MAPK8IP3: variants seen among roughly 807,000 people sequenced by gnomAD.
MAPK8IP3 encodes C-Jun-amino-terminal kinase-interacting protein 3.
A neutral mutation model predicts 157.8 loss-of-function variants in MAPK8IP3; 49 were observed. That is an observed-to-expected ratio of 0.31 (90% CI 0.25 to 0.39). The LOEUF is 0.39. Among genes scored for constraint, MAPK8IP3 ranks in the 10% least tolerant of loss-of-function variants. MAPK8IP3 has a pLI of 1.00. For synonymous variants in MAPK8IP3, 897 were observed against 777.7 expected, an observed-to-expected ratio of 1.15 and a Z score of -2.55; for missense variants, 1,478 against 1,889.4, an observed-to-expected ratio of 0.78 and a Z score of 4.04.
In MAPK8IP3 at chr16:1,769,702, C is replaced by G. The variant is rs1171607700; in HGVS notation, c.*878C>G. The stretch of plus-strand genomic sequence containing the variant: ...GCCCCTGGCCTCTCCGGGATCAGTC[C>G]TAGGACACAGGCTCAGCCTCAGGTT... On this transcript the variant is annotated 3_prime_UTR_variant, in exon 32 of 32. Transcript: ENST00000610761. 6.6e-6 allele frequency: 1 copy of G among 152,660 alleles called. No homozygotes were observed. The highest frequency in any genetic ancestry group is 1.5e-5 in the Non-Finnish European group (1 of 68,274). 9.5% of individuals were successfully genotyped at this position (152,660 alleles called of 1,614,324 possible).
chr16:1,738,361 TGTGA>T (rs368385038), intron 4 of MAPK8IP3, among the ~76,000 whole-genome samples: 1,765 of 95,140 alleles, frequency 0.019, 93 homozygotes, highest in Non-Finnish European at 0.029. Flanking sequence ...TGACCATCCG[TGTGA>T]GTGTGACCAT....
At chr16:1,731,306 T>G (rs1347393567) in intron 4 of MAPK8IP3, among the ~76,000 whole-genome samples, 3 of 151,806 alleles carry the variant, frequency 2.0e-5, no homozygotes. Context: ...CCAGCCTGGG[T>G]GGTAGAGTGA....
In MAPK8IP3 at chr16:1,769,371, C is replaced by T. The variant is rs1596827092; in HGVS notation, c.*547C>T. On this transcript the variant is annotated 3_prime_UTR_variant, in exon 32 of 32. Transcript: ENST00000610761. ...GCACCCCAGCCGGCCTTCTCTGGGG[C>T]CTCCCCGTCGTCAAGCCTCTATCCT... 6.3e-6 allele frequency: 1 copy of T among 158,940 alleles called. No homozygotes were observed. Among genetic ancestry groups the T allele is most frequent in the Admixed American group, 6.0e-5 (1 of 16,698 alleles). 9.8% of individuals were successfully genotyped at this position (158,940 alleles called of 1,614,324 possible). A position where few individuals can be genotyped will look rare whatever the true frequency, so the allele number is the denominator to read the frequency against.
At chr16:1,754,173 CAA>C (rs11296984) in intron 8 of MAPK8IP3, among the ~76,000 whole-genome samples, 9 of 123,490 alleles carry the variant, frequency 7.3e-5, no homozygotes, top group African/African-American at 5.8e-5. Context: ...AACTCTGTCT[CAA>C]AAAAAAAAAA....
intron 4 of MAPK8IP3, among the ~76,000 whole-genome samples, chr16:1,739,600 G>T (rs375796380): frequency 7.5e-6 from 1 of 134,204 alleles, no homozygotes; most frequent in African/African-American, 2.9e-5. Context: ...GTGACCGTCC[G>T]TGTGAGCTTC....
At position 1,762,954 on chromosome 16, in the gene MAPK8IP3, G is replaced by A. The variant is rs373058596; in HGVS notation, c.1846G>A (p.Ala616Thr). 3.7e-6 allele frequency: 6 copies of A among 1,612,918 alleles called. No individual in the cohort carries two copies. The African/African-American group carries it at 5.3e-5, about 14-fold the overall frequency. ...TAGFSQRRNH[A>T]MCPISAGSRP... Reference sequence around the variant, plus strand: ...CGGCTTCAGCCAGCGCCGCAACCATGCCATGTGCCCGATCTCGGCAGGCAG... The same window carrying A: ...CGGCTTCAGCCAGCGCCGCAACCATACCATGTGCCCGATCTCGGCAGGCAG... The change falls in exon 16 of 32, where the codon GCC becomes ACC. Residue 616 changes from alanine to threonine, a missense_variant. Ala to Thr is a moderately conservative substitution (Grantham distance 58, BLOSUM62 0). This residue lies in a region of MAPK8IP3 where 669 missense variants were observed against 759.8 expected (regional missense o/e 0.88). Transcript: ENST00000610761.
rs145479437 is a variant in MAPK8IP3 at position 1,736,251 on chromosome 16, A to T, written c.602+6673A>T. ...GTGTAAGCATCCGTGTGAGCGTGTG[A>T]CTGTCCGTGTGAGCGTGTGACCATC... On this transcript the variant is annotated intron_variant, in intron 4 of 31. Transcript: ENST00000610761. Among the ~76,000 whole-genome samples the T allele has an allele frequency of 3.1e-3, 211 of 67,326 alleles. 6 individuals carry two copies. The East Asian group carries it at 0.079, about 25-fold the overall frequency. The allele number at this position is 67,326 out of a possible 152,430, so 44.2% of individuals were successfully genotyped here.
At chr16:1,717,744 G>A (rs2038248347) in intron 1 of MAPK8IP3, among the ~76,000 whole-genome samples, 1 of 152,130 alleles carries the variant, frequency 6.6e-6, no homozygotes, top group African/African-American at 2.4e-5. Flanking sequence ...CAAAAAAAAT[G>A]CTGATAGTTA....
chr16:1,752,282 A>G, intron 8 of MAPK8IP3: 1 of 179,054 alleles, frequency 5.6e-6, no homozygotes, highest in Non-Finnish European at 1.2e-5. Flanking sequence ...ATGAGGCTGC[A>G]AGTCACTATG....
Position 1,770,346 on chromosome 16 carries a change from C to T in MAPK8IP3, c.*1522C>T, listed in dbSNP as rs944695758. The T allele has an allele frequency of 2.3e-5, 8 of 344,768 alleles. No individual in the cohort carries two copies. The highest frequency in any genetic ancestry group is 6.3e-5 in the African/African-American group (3 of 47,412). 21.4% of individuals were successfully genotyped at this position (344,768 alleles called of 1,614,324 possible). A position where few individuals can be genotyped will look rare whatever the true frequency, so the allele number is the denominator to read the frequency against. ...GCCTGTTCCTGGGCCCAAATCGAAA[C>T]GAAAACGAGGACTTTATTATAAAAA... On this transcript the variant is annotated 3_prime_UTR_variant, in exon 32 of 32. Coordinates refer to ENST00000610761, the MANE Select transcript of MAPK8IP3 (RefSeq NM_001318852.2).
chr16:1,747,122 G>A lies in MAPK8IP3; in HGVS notation c.841G>A (p.Val281Met), dbSNP rs747820815. The change falls in exon 6 of 32, where the codon GTG becomes ATG. Residue 281 changes from valine (V) to methionine (M), a missense_variant. This residue lies in a region of MAPK8IP3 where 315 missense variants were observed against 394.4 expected (regional missense o/e 0.80). Transcript: ENST00000610761. The stretch of plus-strand genomic sequence containing the variant: ...CAAGTCCAACACGCCCACATCCTCC[G>A]TGCCCTCGGCCGCCGTCACACCCCT... ...GTKSNTPTSSVPSAAVTPLNE... is the reference protein window; with the variant it reads ...GTKSNTPTSSMPSAAVTPLNE... 9.9e-6 allele frequency: 16 copies of A among 1,613,770 alleles called. No individual in the cohort carries two copies. The highest frequency in any genetic ancestry group is 1.7e-5 in the Admixed American group (1 of 59,998).
At position 1,706,869 on chromosome 16, in the gene MAPK8IP3, T is replaced by C. The variant is rs2037429809; in HGVS notation, c.318+212T>C. On this transcript the variant is annotated intron_variant, in intron 1 of 31. Coordinates refer to ENST00000610761, the MANE Select transcript of MAPK8IP3 (RefSeq NM_001318852.2). This position sits in a 1 kb window ranked among gnomAD's most constrained non-coding sequence, Gnocchi z 5.1. ...CCCCCTCTGCCCGCCGTGAGACACC[T>C]CCCTAGAGCACTCCCCCGCCTGCCC... 1.9e-5 allele frequency among the ~76,000 whole-genome samples: 1 copy of C among 51,462 alleles called. No homozygotes were observed. Among genetic ancestry groups the C allele is most frequent in the African/African-American group, 7.8e-5 (1 of 12,856 alleles). 33.8% of individuals were successfully genotyped at this position (51,462 alleles called of 152,430 possible). A position where few individuals can be genotyped will look rare whatever the true frequency, so the allele number is the denominator to read the frequency against.
chr16:1,755,490 T>C (rs1419002745), intron 8 of MAPK8IP3, among the ~76,000 whole-genome samples: 1 of 152,118 alleles, frequency 6.6e-6, no homozygotes, highest in Non-Finnish European at 1.5e-5. Flanking sequence ...GCCACTGCAC[T>C]CCAGCGTGGG....
At chr16:1,732,445 C>T (rs2141751755) in intron 4 of MAPK8IP3, among the ~76,000 whole-genome samples, 1 of 152,368 alleles carries the variant, frequency 6.6e-6, no homozygotes, top group South Asian at 2.1e-4. Context: ...AAGAAGCTGT[C>T]AGACTCTGCT....
At chr16:1,747,597 T>C (rs1256134272) in intron 6 of MAPK8IP3, among the ~76,000 whole-genome samples, 3 of 152,206 alleles carry the variant, frequency 2.0e-5, no homozygotes, top group Admixed American at 2.0e-4. Context: ...CATAATCACC[T>C]CTTGAAAGGC....
Position 1,741,383 on chromosome 16 carries a change from C to T in MAPK8IP3, c.603-1949C>T, listed in dbSNP as rs1230400960. ...GCTCCTGATCCTGGGTGATTTCTGT[C>T]GGAGGTGGTGGCCTGGCTGAGCCGT... On this transcript the variant is annotated intron_variant, in intron 4 of 31. Coordinates refer to ENST00000610761, the MANE Select transcript of MAPK8IP3 (RefSeq NM_001318852.2). This position sits in a 1 kb window ranked among gnomAD's most constrained non-coding sequence, Gnocchi z 6.9. Among the ~76,000 whole-genome samples the T allele has an allele frequency of 3.9e-5, 6 of 152,180 alleles. No individual in the cohort carries two copies. Among genetic ancestry groups the T allele is most frequent in the East Asian group, 1.9e-4 (1 of 5,166 alleles).
chr16:1,713,421 C>T (rs980268794), intron 1 of MAPK8IP3: 4 of 152,216 alleles, frequency 2.6e-5, no homozygotes, highest in Admixed American at 6.5e-5. Context: ...GTGGCCAGGG[C>T]TTCCATACTG....
intron 1 of MAPK8IP3, among the ~76,000 whole-genome samples, chr16:1,708,570 C>T (rs2037548570): frequency 6.6e-6 from 1 of 152,256 alleles, no homozygotes; most frequent in Admixed American, 6.5e-5. Flanking sequence ...CTGCCCAGCT[C>T]TGTGCGGTTC....
chr16:1,709,086 G>A (rs1409179319), intron 1 of MAPK8IP3, among the ~76,000 whole-genome samples: 3 of 152,222 alleles, frequency 2.0e-5, no homozygotes, highest in Non-Finnish European at 2.9e-5. Context: ...GCTCAAGAAG[G>A]CTTAGTCAGA....
Sources: allele counts gnomAD v4.1 joint callset (sites outside exome capture counted in the v4.1 genomes callset), GRCh38; gene constraint gnomAD v4.1.1; regional missense constraint gnomAD v4.1.1; non-coding constraint Gnocchi (gnomAD v3.1); transcripts MANE v1.5; gene names NCBI Gene and HGNC (gene_info 2026-07-23, HGNC 2026-07-21).